The following ZNF615 variants were observed in gnomAD, a reference collection of about 807,000 sequenced individuals.
ZNF615 encodes the protein zinc finger protein 615.
ZNF615 carries 15 observed loss-of-function variants against 15.3 expected under a neutral mutation model. The ratio of observed to expected loss-of-function variants is 0.98; its 90% CI spans 0.66 to 1.51. The LOEUF (loss-of-function observed/expected upper bound fraction) is 1.51. ZNF615 is among the 40% of genes most tolerant of loss of function. The pLI, the probability that ZNF615 is intolerant of heterozygous loss-of-function variation, is 0.00. For missense variants in ZNF615, 848 were observed against 895.9 expected, an observed-to-expected ratio of 0.95 and a Z score of 0.68; for synonymous variants, 268 against 294.6, an observed-to-expected ratio of 0.91 and a Z score of 0.92.
Position 51,994,813 on chromosome 19 carries a change from A to G in ZNF615, c.296T>C (p.Leu99Pro). 1 of 1,588,810 alleles carries G rather than the reference A, an allele frequency of 6.3e-7. No homozygotes were observed. The highest frequency in any genetic ancestry group is 8.6e-7 in the Non-Finnish European group (1 of 1,169,130). The change falls in exon 7 of 7, where the codon CTG (leucine) becomes CCG (proline). Residue 99 changes from leucine to proline, a missense_variant. Transcript: ENST00000598071. ...YAEIRKIDDP[L>P]QHHLQNQSIQ... ...ACTTTGATTTTGCAAGTGATGCTGC[A>G]GAGGATCATCAATTTTCCTGATTTC...
chr19:51,995,088 C>A (rs1416770081), intron 6 of ZNF615, among the ~76,000 whole-genome samples: 1 of 152,018 alleles, frequency 6.6e-6, no homozygotes, highest in African/African-American at 2.4e-5. Context: ...TGGAAAATTA[C>A]AGCTAAAGGG....
At position 51,991,668 on chromosome 19, in the gene ZNF615, G is replaced by A. The variant is rs1411970912; in HGVS notation, c.*1212C>T. On this transcript the variant is annotated 3_prime_UTR_variant, in exon 7 of 7. Coordinates refer to ENST00000598071, the MANE Select transcript of ZNF615 (RefSeq NM_001199324.2). Reference sequence around the variant, plus strand: ...GACTATAAACAAGGAGCATGAGGGAGTTTGCATTGATGCAACATTCTGAAT... The same window carrying A: ...GACTATAAACAAGGAGCATGAGGGAATTTGCATTGATGCAACATTCTGAAT... The A allele has an allele frequency of 1.3e-5, 2 of 152,222 alleles. No individual in the cohort carries two copies. The highest frequency in any genetic ancestry group is 6.5e-5 in the Admixed American group (1 of 15,280). 9.4% of individuals were successfully genotyped at this position (152,222 alleles called of 1,614,324 possible).
Position 51,994,008 on chromosome 19 carries a change from C to G in ZNF615, c.1101G>C (p.Lys367Asn). ...CSECGKGFIE[K>N]RRLTAHHRTH... ...TTCGATGATGTGCAGTAAGACGCCT[C>G]TTCTCAATGAAGCCTTTTCCACATT... The change falls in exon 7 of 7, where the codon AAG (lysine) becomes AAC (asparagine). Residue 367 changes from lysine (K) to asparagine (N), a missense_variant. Lys to Asn is a moderately conservative substitution (Grantham distance 94). Coordinates refer to ENST00000598071, the MANE Select transcript of ZNF615 (RefSeq NM_001199324.2). 1 of 1,612,360 alleles carries G rather than the reference C, an allele frequency of 6.2e-7. No individual in the cohort carries two copies. Among genetic ancestry groups the G allele is most frequent in the Non-Finnish European group, 8.5e-7 (1 of 1,179,010 alleles).
chr19:52,002,289 AAC>A lies in ZNF615; in HGVS notation c.16-10_16-9del. ...CTCCAGTGTTAGGGATTCCTGTAAT[AAC>A]ACACTTCTGTTTAATGAAGTCATAT... On this transcript the variant is annotated splice_polypyrimidine_tract_variant and intron_variant, in intron 3 of 6. Transcript: ENST00000598071. 1 of 1,614,078 alleles carries A rather than the reference AAC, an allele frequency of 6.2e-7. No homozygotes were observed. Among genetic ancestry groups the A allele is most frequent in the South Asian group, 1.1e-5 (1 of 91,084 alleles).
At chr19:51,997,132 A>C (rs578099771) in intron 6 of ZNF615, among the ~76,000 whole-genome samples, 93 of 152,190 alleles carry the variant, frequency 6.1e-4, no homozygotes, top group African/African-American at 2.1e-3. Context: ...CAGCCTGGGC[A>C]ACATAGTGAG....
Position 52,003,719 on chromosome 19 carries a change from T to C in ZNF615, c.-8A>G, listed in dbSNP as rs200728929. 6.2e-7 allele frequency: 1 copy of C among 1,612,562 alleles called. No homozygotes were observed. Among genetic ancestry groups the C allele is most frequent in the East Asian group, 2.2e-5 (1 of 44,826 alleles). ...CACCTGGGCCTGCATCATTGTCTCC[T>C]AAATTTGGGAAATGACTGCTAACTT... On this transcript the variant is annotated 5_prime_UTR_variant, in exon 3 of 7. Coordinates refer to ENST00000598071, the MANE Select transcript of ZNF615 (RefSeq NM_001199324.2).
At position 51,993,530 on chromosome 19, in the gene ZNF615, C is replaced by T; in HGVS notation, c.1579G>A (p.Glu527Lys). ...TTTGCTGGAAAGCCTTTTCCACACT[C>T]ACCACATACATAGGGTTTTTCTCCA... is the stretch of plus-strand genomic sequence containing the variant. ...HTGEKPYVCG[E>K]CGKGFPAKIR... Residue 527 changes from glutamate (E) to lysine (K), a missense_variant, in exon 7 of 7, where the codon GAG becomes AAG. By Grantham distance (56) the Glu-to-Lys change is moderately conservative. Transcript: ENST00000598071. 6.2e-7 allele frequency: 1 copy of T among 1,613,824 alleles called. No homozygotes were observed.
Position 52,007,317 on chromosome 19 carries a change from G to T in ZNF615, c.-214C>A. ...CCATGGCAGAGATGTTATCTTACTT[G>T]TGTCAGAAAGAACCTGAAAAGAAAT... On this transcript the variant is annotated 5_prime_UTR_variant, in exon 2 of 7. Coordinates refer to ENST00000598071, the MANE Select transcript of ZNF615 (RefSeq NM_001199324.2). 5 of 1,288,688 alleles carry T rather than the reference G, an allele frequency of 3.9e-6. No homozygotes were observed. The highest frequency in any genetic ancestry group is 5.1e-6 in the Non-Finnish European group (5 of 988,308). The allele number at this position is 1,288,688 out of a possible 1,614,324, so 79.8% of individuals were successfully genotyped here.
Position 52,003,869 on chromosome 19 carries a change from A to G in ZNF615, c.-158T>C. The G allele has an allele frequency of 6.9e-7, 1 of 1,456,944 alleles. No homozygotes were observed. The highest frequency in any genetic ancestry group is 9.0e-7 in the Non-Finnish European group (1 of 1,108,452). 90.3% of individuals were successfully genotyped at this position (1,456,944 alleles called of 1,614,324 possible). A position where few individuals can be genotyped will look rare whatever the true frequency, so the allele number is the denominator to read the frequency against. On this transcript the variant is annotated 5_prime_UTR_variant, in exon 3 of 7. An upstream open reading frame in the 5' UTR loses its in-frame stop. Transcript: ENST00000598071. ...CTTGGAAACTCCGCCTCCTTCCTTC[A>G]CTTGATTTCTCTTGTTCTCAGCACC...
At chr19:51,999,325 C>G (rs2086526616) in intron 6 of ZNF615, among the ~76,000 whole-genome samples, 1 of 152,138 alleles carries the variant, frequency 6.6e-6, no homozygotes, top group African/African-American at 2.4e-5. Flanking sequence ...CTACCAAAAT[C>G]CTAGCCACTC....
chr19:51,994,498 T>A lies in ZNF615; in HGVS notation c.611A>T (p.Lys204Met). The A allele has an allele frequency of 6.2e-7, 1 of 1,614,188 alleles. No individual in the cohort carries two copies. The highest frequency in any genetic ancestry group is 8.5e-7 in the Non-Finnish European group (1 of 1,180,026). Residue 204 changes from lysine (K) to methionine (M), a missense_variant, in exon 7 of 7, where the codon AAG (lysine) becomes ATG (methionine). Coordinates refer to ENST00000598071, the MANE Select transcript of ZNF615 (RefSeq NM_001199324.2). ...AKPINKSQFI[K>M]QQRTHNIENA... ...CTCTATGTTGTGAGTTCTCTGTTGC[T>A]TAATGAACTGGGACTTATTAATAGG...
intron 2 of ZNF615, among the ~76,000 whole-genome samples, chr19:52,005,152 A>G (rs1476719715): frequency 6.6e-6 from 1 of 152,080 alleles, no homozygotes; most frequent in East Asian, 1.9e-4. Context: ...CCAGCTACTC[A>G]GGAGGCTGAG....
At chr19:52,007,357 G>A (rs556249158) in intron 1 of ZNF615, 27 bp from the exon 2 acceptor site, 1 of 1,275,708 alleles carries the variant, frequency 7.8e-7, no homozygotes, top group East Asian at 5.6e-5. Flanking sequence ...AAGAGGATAC[G>A]CTGGAAACTT....
At chr19:52,001,998 G>T (rs921042379) in intron 4 of ZNF615, 90 bp from the exon 5 acceptor site, 374 of 1,593,550 alleles carry the variant, frequency 2.3e-4, no homozygotes, top group East Asian at 2.7e-4. Context: ...GACTACATAG[G>T]TATCAGATCT....
chr19:52,006,027 A>C (rs2123090800), intron 2 of ZNF615, among the ~76,000 whole-genome samples: 1 of 152,320 alleles, frequency 6.6e-6, no homozygotes, highest in South Asian at 2.1e-4. Context: ...ATTGCCAATA[A>C]AGGTATACCT....
rs770697265 is a variant in ZNF615, at chr19:51,993,494, T to C, written c.1615A>G (p.Met539Val). Reference sequence around the variant, plus strand: ...CCTGTATGAGTTCGTTGATGTCCCATTAGCCGGATCTTTGCTGGAAAGCCT... The same window carrying C: ...CCTGTATGAGTTCGTTGATGTCCCACTAGCCGGATCTTTGCTGGAAAGCCT... ...GKGFPAKIRL[M>V]GHQRTHTGEK... The change falls in exon 7 of 7, where the codon ATG becomes GTG. Residue 539 changes from methionine (M) to valine (V), a missense_variant. Met to Val is a conservative substitution (Grantham distance 21). Transcript: ENST00000598071. The C allele has an allele frequency of 1.9e-6, 3 of 1,614,056 alleles. No individual in the cohort carries two copies. The East Asian group carries it at 6.7e-5, about 36-fold the overall frequency.
Position 52,007,950 on chromosome 19 carries a change from A to G in ZNF615, c.-228+191T>C, listed in dbSNP as rs900041852. On this transcript the variant is annotated intron_variant, in intron 1 of 6. Transcript: ENST00000598071. ...CCCCGATCACACACACACACACCCT[A>G]TCACGGACCTCTTGTAGTTCCCCTG... is the stretch of plus-strand genomic sequence containing the variant. 6.7e-6 allele frequency: 4 copies of G among 599,102 alleles called. No homozygotes were observed. The Admixed American group carries it at 8.8e-5, about 13-fold the overall frequency. The allele number at this position is 599,102 out of a possible 1,614,324, so 37.1% of individuals were successfully genotyped here.
In ZNF615 at chr19:51,993,153, T is replaced by C. The variant is rs2086287454; in HGVS notation, c.1956A>G (p.Gln652=). 1 of 1,614,124 alleles carries C rather than the reference T, an allele frequency of 6.2e-7. No individual in the cohort carries two copies. Among genetic ancestry groups the C allele is most frequent in the East Asian group, 2.2e-5 (1 of 44,902 alleles). Residue 652 remains glutamine, a synonymous_variant, in exon 7 of 7, where the codon CAA becomes CAG. Transcript: ENST00000598071. ...KTFRKKTCLI[Q]HQRFHTGKTS... The stretch of plus-strand genomic sequence containing the variant: ...TCTTTCCTGTGTGAAATCGCTGATG[T>C]TGTATGAGGCATGTCTTCTTCCTGA...
Position 51,993,805 on chromosome 19 carries a change from C to A in ZNF615, c.1304G>T (p.Gly435Val). Residue 435 changes from glycine to valine, a missense_variant, in exon 7 of 7, where the codon GGA (glycine) becomes GTA (valine). By Grantham distance (109) the Gly-to-Val change is moderately radical (BLOSUM62 -3). Transcript: ENST00000598071. Reference sequence around the variant, plus strand: ...CTCATTGCATTTATAAGGTTTCTCTCCAGTATGAGTTCGTTGATGTACCAT... The same window carrying A: ...CTCATTGCATTTATAAGGTTTCTCTACAGTATGAGTTCGTTGATGTACCAT... ...CLMVHQRTHTGEKPYKCNECG... is the reference protein window; with the variant it reads ...CLMVHQRTHTVEKPYKCNECG... The A allele has an allele frequency of 6.2e-7, 1 of 1,614,132 alleles. No individual in the cohort carries two copies. The highest frequency in any genetic ancestry group is 1.3e-5 in the African/African-American group (1 of 75,032).
Sources: allele counts gnomAD v4.1 joint callset (sites outside exome capture counted in the v4.1 genomes callset), GRCh38; gene constraint gnomAD v4.1.1; transcripts MANE v1.5; gene names NCBI Gene and HGNC (gene_info 2026-07-23, HGNC 2026-07-21).